The following BORCS5 variants were observed in gnomAD, a reference collection of about 807,000 sequenced individuals.
BORCS5 encodes the protein BLOC-1-related complex subunit 5.
A neutral mutation model predicts 22.1 loss-of-function variants in BORCS5; 17 were observed. The ratio of observed to expected loss-of-function variants is 0.77; its 90% CI spans 0.53 to 1.15. BORCS5 has a LOEUF of 1.15. BORCS5 is among the 50% of genes most tolerant of loss of function. The probability of loss-of-function intolerance (pLI) is 0.00; values close to 1 mark genes in which losing one functional copy is unlikely to be tolerated. For synonymous variants in BORCS5, 117 were observed against 99.8 expected, an observed-to-expected ratio of 1.17 and a Z score of -1.03; for missense variants, 247 against 253.2, an observed-to-expected ratio of 0.98 and a Z score of 0.17.
At chr12:12,395,461 A>G (rs370664728) in intron 2 of BORCS5, among the ~76,000 whole-genome samples, 8 of 72,814 alleles carry the variant, frequency 1.1e-4, no homozygotes, top group African/African-American at 2.6e-4. Context: ...TTTTTTTTGT[A>G]TTTTTAGTAG....
chr12:12,404,901 A>G (rs1483636257), intron 2 of BORCS5, among the ~76,000 whole-genome samples: 1 of 152,060 alleles, frequency 6.6e-6, no homozygotes, highest in Non-Finnish European at 1.5e-5. Flanking sequence ...GGCTTTCACC[A>G]TGTTGGCCAG....
chr12:12,376,481 C>T (rs1167654207), intron 2 of BORCS5, among the ~76,000 whole-genome samples: 1 of 152,134 alleles, frequency 6.6e-6, no homozygotes, highest in Non-Finnish European at 1.5e-5. Flanking sequence ...GATCCACCTG[C>T]CTCGGCCTCC....
At chr12:12,422,329 G>A (rs927788741) in intron 2 of BORCS5, among the ~76,000 whole-genome samples, 8 of 151,876 alleles carry the variant, frequency 5.3e-5, no homozygotes, top group Non-Finnish European at 1.2e-4. Context: ...AGAAAGTGAA[G>A]GAGGCCGGAT....
At chr12:12,464,158 AGT>A (rs2136164476) in intron 3 of BORCS5, among the ~76,000 whole-genome samples, 2 of 151,606 alleles carry the variant, frequency 1.3e-5, no homozygotes, top group Non-Finnish European at 2.9e-5. Context: ...AACCCCGGAA[AGT>A]GTGCATTGTT....
intron 2 of BORCS5, among the ~76,000 whole-genome samples, chr12:12,393,270 G>A (rs1000013614): frequency 2.0e-5 from 3 of 151,866 alleles, no homozygotes; most frequent in Admixed American, 6.6e-5. Flanking sequence ...TCTGGACAAT[G>A]ACTTCTATCA....
intron 2 of BORCS5, among the ~76,000 whole-genome samples, chr12:12,413,496 G>A (rs866415193): frequency 2.0e-5 from 3 of 150,248 alleles, no homozygotes; most frequent in Non-Finnish European, 4.4e-5. Flanking sequence ...ACACAGACCC[G>A]GCAACCATCT....
At chr12:12,438,275 C>T (rs1592128098) in intron 3 of BORCS5, among the ~76,000 whole-genome samples, 1 of 148,536 alleles carries the variant, frequency 6.7e-6, no homozygotes, top group South Asian at 2.2e-4. Flanking sequence ...GCACAAGAAT[C>T]GCTTGAACCT....
At chr12:12,455,238 AC>A (rs1342549570) in intron 3 of BORCS5, among the ~76,000 whole-genome samples, 1 of 152,218 alleles carries the variant, frequency 6.6e-6, no homozygotes, top group Non-Finnish European at 1.5e-5. Flanking sequence ...TGGATTTAGA[AC>A]CCTAAAAAGA....
At chr12:12,376,921 C>A (rs1387507770) in intron 2 of BORCS5, among the ~76,000 whole-genome samples, 1 of 152,176 alleles carries the variant, frequency 6.6e-6, no homozygotes, top group Non-Finnish European at 1.5e-5. Flanking sequence ...GTAGCACCTG[C>A]ATTTCTCATA....
At chr12:12,401,849 A>G (rs1347656755) in intron 2 of BORCS5, among the ~76,000 whole-genome samples, 3 of 151,902 alleles carry the variant, frequency 2.0e-5, no homozygotes, top group African/African-American at 4.8e-5. Context: ...ACGAGGTCAG[A>G]AGATCGAGAC....
At chr12:12,414,009 G>A (rs1365230388) in intron 2 of BORCS5, among the ~76,000 whole-genome samples, 4 of 72,272 alleles carry the variant, frequency 5.5e-5, no homozygotes, top group African/African-American at 2.3e-4. Flanking sequence ...AGGGGCGGCC[G>A]GGCAGAGGCC....
intron 3 of BORCS5, among the ~76,000 whole-genome samples, chr12:12,462,591 G>A (rs751560468): frequency 3.9e-5 from 6 of 152,332 alleles, no homozygotes; most frequent in Non-Finnish European, 8.8e-5. Context: ...TTCACAAACA[G>A]CTTCGTGGTT....
intron 2 of BORCS5, among the ~76,000 whole-genome samples, chr12:12,380,482 G>A (rs1047093587): frequency 6.6e-6 from 1 of 151,434 alleles, no homozygotes; most frequent in African/African-American, 2.4e-5. Context: ...CCACAGGCCA[G>A]CTTTTCTGGA....
chr12:12,450,982 G>A (rs954664783), intron 3 of BORCS5, among the ~76,000 whole-genome samples: 1 of 151,936 alleles, frequency 6.6e-6, no homozygotes, highest in African/African-American at 2.4e-5. Context: ...TTATATACTG[G>A]GTTCTATCTA....
At chr12:12,371,302 G>T (rs1327869624) in intron 2 of BORCS5, among the ~76,000 whole-genome samples, 1 of 151,850 alleles carries the variant, frequency 6.6e-6, no homozygotes, top group Non-Finnish European at 1.5e-5. Flanking sequence ...TTATATGTTC[G>T]TGTATTTGGC....
In BORCS5 at chr12:12,435,698, G is replaced by T; in HGVS notation, c.273G>T (p.Gln91His). The T allele has an allele frequency of 6.2e-7, 1 of 1,614,070 alleles. No individual in the cohort carries two copies. The highest frequency in any genetic ancestry group is 8.5e-7 in the Non-Finnish European group (1 of 1,179,988). The change falls in exon 3 of 4, where the codon CAG becomes CAT. Residue 91 changes from glutamine (Q) to histidine (H), a missense_variant. Transcript: ENST00000314565. ...AACTGGACTCTCAGCAGGTGTTGCA[G>T]CTCTGCCTCCGATATCAAGATCACC... Reference protein sequence around the residue: ...LEKLDSQQVLQLCLRYQDHLH... With the variant: ...LEKLDSQQVLHLCLRYQDHLH...
chr12:12,401,833 C>T (rs537322979), intron 2 of BORCS5, among the ~76,000 whole-genome samples: 6 of 151,808 alleles, frequency 4.0e-5, no homozygotes, highest in South Asian at 2.1e-4. Flanking sequence ...CCAAGGCGGG[C>T]GGATCACGAG....
At chr12:12,418,201 G>T (rs1361743221) in intron 2 of BORCS5, among the ~76,000 whole-genome samples, 73 of 136,280 alleles carry the variant, frequency 5.4e-4, no homozygotes, top group Admixed American at 1.3e-3. Flanking sequence ...TTTTTTTTTT[G>T]TTTTTTTTTT....
Position 12,470,043 on chromosome 12 carries a change from G to A in BORCS5, c.*4267G>A, listed in dbSNP as rs994485543. 7.2e-5 allele frequency among the ~76,000 whole-genome samples: 11 copies of A among 152,140 alleles called. No individual in the cohort carries two copies. In the East Asian group the frequency reaches 1.2e-3, roughly 16 times the overall value. ...GTGTGCTGCACAGCAGGAGGTGAGC[G>A]GCGGATGAGCAGGTGAAGCTTCACG... On this transcript the variant is annotated 3_prime_UTR_variant, in exon 4 of 4. Coordinates refer to ENST00000314565, the MANE Select transcript of BORCS5 (RefSeq NM_058169.6).
Sources: gnomAD v4.1 joint callset for allele counts (sites outside exome capture counted in the v4.1 genomes callset) on GRCh38, gnomAD v4.1.1 for gene constraint, MANE v1.5 for transcripts, NCBI Gene and HGNC (gene_info 2026-07-23, HGNC 2026-07-21) for gene names.